Variants in DACH2 observed in about 807,000 individuals in gnomAD.
DACH2 encodes the protein dachshund family transcription factor 2, also known as dachshund homolog 2.
A neutral mutation model predicts 35.8 loss-of-function variants in DACH2; 17 were observed. The ratio of observed to expected loss-of-function variants is 0.48; its 90% CI spans 0.33 to 0.71. The LOEUF (loss-of-function observed/expected upper bound fraction) is 0.71. Ranked by LOEUF, DACH2 falls within the 30% of genes least tolerant of loss-of-function variation. DACH2 has a pLI of 0.02. For synonymous variants in DACH2, 195 were observed against 177.3 expected (o/e 1.10, Z -0.79); for missense variants, 469 against 472.7 (o/e 0.99, Z 0.07).
intron 3 of DACH2, among the ~76,000 whole-genome samples, chrX:86,636,639 G>T (rs991907524): frequency 9.0e-6 from 1 of 110,914 alleles, no homozygotes; most frequent in African/African-American, 3.3e-5. Flanking sequence ...AATGATGCTG[G>T]GATAACTGGC....
intron 2 of DACH2, among the ~76,000 whole-genome samples, chrX:86,421,274 T>C (rs193137279): frequency 4.5e-5 from 5 of 111,985 alleles, no homozygotes; most frequent in African/African-American, 1.6e-4. Context: ...TTAACAACCA[T>C]ATAGTGCTTC....
intron 2 of DACH2, among the ~76,000 whole-genome samples, chrX:86,393,581 G>A (rs1280920546): frequency 8.9e-6 from 1 of 112,156 alleles, no homozygotes; most frequent in African/African-American, 3.2e-5. Flanking sequence ...TCACTGATTC[G>A]ATGTGGATTG....
At chrX:86,831,953 T>C (rs778212325) in intron 11 of DACH2, 153 bp from the exon 12 acceptor site, 1 of 412,219 alleles carries the variant, frequency 2.4e-6, no homozygotes, top group Admixed American at 4.6e-5. Flanking sequence ...GATGAAAATA[T>C]AGAAATGTTA....
At chrX:86,293,286 C>T (rs776424104) in intron 1 of DACH2, among the ~76,000 whole-genome samples, 1 of 109,966 alleles carries the variant, frequency 9.1e-6, no homozygotes, top group Non-Finnish European at 1.9e-5. Flanking sequence ...CTTGGTAGAT[C>T]CTCCTCCATC....
chrX:86,368,226 A>T (rs2035833639), intron 1 of DACH2, among the ~76,000 whole-genome samples: 1 of 112,108 alleles, frequency 8.9e-6, no homozygotes, highest in Non-Finnish European at 1.9e-5. Flanking sequence ...TATTTACTGT[A>T]TACCAGGAAA....
At chrX:86,439,157 A>T (rs2037118049) in intron 2 of DACH2, among the ~76,000 whole-genome samples, 1 of 111,722 alleles carries the variant, frequency 9.0e-6, no homozygotes, top group Non-Finnish European at 1.9e-5. Context: ...GATGTTGGAC[A>T]TTTTTTCATA....
chrX:86,587,572 G>A (rs746383702), intron 3 of DACH2, among the ~76,000 whole-genome samples: 5 of 110,885 alleles, frequency 4.5e-5, no homozygotes, highest in Admixed American at 2.9e-4. Flanking sequence ...CTCTAATTTT[G>A]ATGTATGTTT....
At chrX:86,376,114 C>T (rs1602454289) in intron 1 of DACH2, among the ~76,000 whole-genome samples, 1 of 103,016 alleles carries the variant, frequency 9.7e-6, no homozygotes, top group Non-Finnish European at 2.0e-5. Flanking sequence ...TGTTTAATTT[C>T]TTTTGTGTGG....
At chrX:86,438,423 G>C (rs1398925360) in intron 2 of DACH2, among the ~76,000 whole-genome samples, 2 of 109,795 alleles carry the variant, frequency 1.8e-5, no homozygotes, top group African/African-American at 6.6e-5. Flanking sequence ...ACGGGGTTTT[G>C]CCATGTTGGC....
intron 7 of DACH2, among the ~76,000 whole-genome samples, chrX:86,789,644 T>C (rs1420061825): frequency 8.9e-6 from 1 of 111,921 alleles, no homozygotes; most frequent in African/African-American, 3.2e-5. Flanking sequence ...TAACATGATA[T>C]AGCTCTACCT....
chrX:86,384,450 T>G (rs748375656), intron 2 of DACH2, among the ~76,000 whole-genome samples: 17 of 111,759 alleles, frequency 1.5e-4, no homozygotes, highest in Non-Finnish European at 3.2e-4. Context: ...TGTTAAGAAA[T>G]AGGACTATTA....
chrX:86,182,715 A>G (rs1426193852), intron 1 of DACH2, among the ~76,000 whole-genome samples: 2 of 111,908 alleles, frequency 1.8e-5, no homozygotes, highest in African/African-American at 6.5e-5. Context: ...TCTGTGAAGA[A>G]AGTCATTGGT....
intron 7 of DACH2, among the ~76,000 whole-genome samples, chrX:86,759,710 C>T (rs2041862362): frequency 9.0e-6 from 1 of 110,946 alleles, no homozygotes; most frequent in South Asian, 3.7e-4. Context: ...ACTTTTTATT[C>T]CTTTATTTTT....
intron 3 of DACH2, among the ~76,000 whole-genome samples, chrX:86,618,706 G>A (rs1602706335): frequency 8.9e-6 from 1 of 111,881 alleles, no homozygotes; most frequent in South Asian, 3.7e-4. Context: ...ACAGTGTTTT[G>A]AGTTACAGAC....
intron 1 of DACH2, among the ~76,000 whole-genome samples, chrX:86,276,460 A>AT (rs1490820266): frequency 2.7e-5 from 3 of 110,996 alleles, no homozygotes; most frequent in Non-Finnish European, 3.8e-5. Context: ...GTTTACAAAT[A>AT]TTTTCTCTCA....
At chrX:86,371,662 T>C (rs1228216576) in intron 1 of DACH2, among the ~76,000 whole-genome samples, 1 of 110,952 alleles carries the variant, frequency 9.0e-6, no homozygotes, top group East Asian at 2.8e-4. Context: ...AGTGATTAAA[T>C]GCCTTTAAAC....
chrX:86,476,634 C>T (rs931532937), intron 2 of DACH2, among the ~76,000 whole-genome samples: 2 of 111,322 alleles, frequency 1.8e-5, no homozygotes, highest in African/African-American at 6.5e-5. Context: ...TTGTTTGCTT[C>T]ATGTCAATGT....
chrX:86,185,987 C>A (rs979439902), intron 1 of DACH2, among the ~76,000 whole-genome samples: 2 of 112,372 alleles, frequency 1.8e-5, no homozygotes, highest in Non-Finnish European at 3.8e-5. Context: ...TTAGTCCTCA[C>A]AAAACCTTAC....
intron 3 of DACH2, among the ~76,000 whole-genome samples, chrX:86,619,805 A>G (rs180842812): frequency 1.1e-3 from 126 of 111,909 alleles, no homozygotes; most frequent in African/African-American, 3.9e-3. Flanking sequence ...CATTACAATC[A>G]CTCTGATAAT....
Sources: gnomAD v4.1 joint callset for allele counts (sites outside exome capture counted in the v4.1 genomes callset) on GRCh38, gnomAD v4.1.1 for gene constraint, MANE v1.5 for transcripts, NCBI Gene and HGNC (gene_info 2026-07-23, HGNC 2026-07-21) for gene names.